Variants in KIF13B observed in about 807,000 individuals in gnomAD.
KIF13B encodes kinesin-like protein KIF13B.
Under a neutral mutation model 222.0 loss-of-function variants are expected in KIF13B, and 127 were observed. The ratio of observed to expected loss-of-function variants is 0.57; its 90% CI spans 0.50 to 0.66. The LOEUF is 0.66. Ranked by LOEUF, KIF13B falls within the 30% of genes least tolerant of loss-of-function variation. The pLI, the probability that KIF13B is intolerant of heterozygous loss-of-function variation, is 0.00. For missense variants in KIF13B, 2,173 were observed against 2,379.0 expected (o/e 0.91, Z 1.80); for synonymous variants, 976 against 919.0 (o/e 1.06, Z -1.12).
chr8:29,097,430 T>G (rs1808583618), intron 36 of KIF13B, among the ~76,000 whole-genome samples: 2 of 152,218 alleles, frequency 1.3e-5, no homozygotes, highest in African/African-American at 2.4e-5. Flanking sequence ...ACTGATGGAA[T>G]AGGCCTCCAC....
intron 38 of KIF13B, among the ~76,000 whole-genome samples, chr8:29,073,658 C>T (rs1453884480): frequency 2.0e-5 from 3 of 152,122 alleles, no homozygotes; most frequent in African/African-American, 4.8e-5. Context: ...ATTTGAAATA[C>T]GGGATTTATT....
At chr8:29,144,953 A>G (rs1010137197) in intron 18 of KIF13B, among the ~76,000 whole-genome samples, 3 of 152,208 alleles carry the variant, frequency 2.0e-5, no homozygotes, top group African/African-American at 7.2e-5. Flanking sequence ...GAGGTTACGG[A>G]GAAAAGGGCT....
chr8:29,251,767 A>G (rs956712889), intron 1 of KIF13B, among the ~76,000 whole-genome samples: 2 of 152,226 alleles, frequency 1.3e-5, no homozygotes, highest in African/African-American at 4.8e-5. Flanking sequence ...AATGGTAAAT[A>G]TATTGTATTT....
chr8:29,161,625 G>C (rs138428903), intron 12 of KIF13B, among the ~76,000 whole-genome samples: 1 of 152,034 alleles, frequency 6.6e-6, no homozygotes, highest in South Asian at 2.1e-4. Context: ...GAACCCGGGA[G>C]GTGGAGGTTG....
chr8:29,124,445 G>A (rs1810018435), intron 26 of KIF13B, among the ~76,000 whole-genome samples: 1 of 152,070 alleles, frequency 6.6e-6, no homozygotes, highest in African/African-American at 2.4e-5. Context: ...CGATAAACAG[G>A]ACTCAATAAT....
chr8:29,193,037 C>G (rs17059769), intron 3 of KIF13B, among the ~76,000 whole-genome samples: 20,021 of 152,034 alleles, frequency 0.13, 1,464 homozygotes, highest in South Asian at 0.15. Flanking sequence ...ACCGAGAGGA[C>G]GACTGGCTCA....
chr8:29,103,134 C>T (rs1222465682), intron 35 of KIF13B, among the ~76,000 whole-genome samples: 12 of 149,862 alleles, frequency 8.0e-5, no homozygotes, highest in East Asian at 2.0e-4. Context: ...CCCAGCTACT[C>T]GGGAGGCTGA....
intron 1 of KIF13B, among the ~76,000 whole-genome samples, chr8:29,253,433 G>A (rs1023136996): frequency 6.6e-6 from 1 of 152,056 alleles, no homozygotes; most frequent in African/African-American, 2.4e-5. Context: ...GCTCATGCCT[G>A]TAATCCTAGC....
At chr8:29,196,974 G>A (rs1813450679) in intron 2 of KIF13B, among the ~76,000 whole-genome samples, 1 of 152,066 alleles carries the variant, frequency 6.6e-6, no homozygotes, top group African/African-American at 2.4e-5. Flanking sequence ...GCACACATAA[G>A]CACTTCTAAC....
intron 4 of KIF13B, chr8:29,190,254 C>G (rs76250319): frequency 0.09 from 13,666 of 152,326 alleles, 870 homozygotes; most frequent in Non-Finnish European, 0.13. Flanking sequence ...AAAGTCTGAA[C>G]AGACAGGACG....
chr8:29,204,306 T>G (rs1369898375), intron 2 of KIF13B, among the ~76,000 whole-genome samples: 1 of 152,186 alleles, frequency 6.6e-6, no homozygotes, highest in Non-Finnish European at 1.5e-5. Context: ...ATAGCATAAT[T>G]CAAAGAATAC....
chr8:29,204,060 T>C (rs139669860), intron 2 of KIF13B, among the ~76,000 whole-genome samples: 6 of 152,266 alleles, frequency 3.9e-5, no homozygotes, highest in African/African-American at 7.2e-5. Flanking sequence ...GGACAGTTGG[T>C]AGATACTGGT....
chr8:29,208,356 T>C (rs1014473915), intron 2 of KIF13B, among the ~76,000 whole-genome samples: 2 of 152,226 alleles, frequency 1.3e-5, no homozygotes, highest in South Asian at 4.1e-4. Flanking sequence ...ATATACTCCA[T>C]ACGGATTAAT....
Position 29,142,260 on chromosome 8 carries a change from T to G in KIF13B, c.2231A>C (p.Lys744Thr). 1 of 1,613,820 alleles carries G rather than the reference T, an allele frequency of 6.2e-7. No individual in the cohort carries two copies. Among genetic ancestry groups the G allele is most frequent in the Non-Finnish European group, 8.5e-7 (1 of 1,179,810 alleles). Residue 744 changes from lysine (K) to threonine (T), a missense_variant, in exon 19 of 40, where the codon AAA (lysine) becomes ACA (threonine). Transcript: ENST00000524189. ...AGACCAAATCTGCTTTCCTTTTCCT[T>G]TTCTTCTCACCTGGATTGCAGGCTC... ...LSEPAIQVRR[K>T]GKGKQIWSLE...
intron 15 of KIF13B, 21 bp from the exon 16 acceptor site, chr8:29,148,788 T>C (rs879847352): frequency 1.3e-6 from 2 of 1,567,472 alleles, no homozygotes; most frequent in Non-Finnish European, 1.7e-6. Flanking sequence ...AAAAGAGTAT[T>C]ATTTTCTGAA....
chr8:29,206,836 G>A (rs570877089), intron 2 of KIF13B, among the ~76,000 whole-genome samples: 11 of 151,976 alleles, frequency 7.2e-5, no homozygotes, highest in Non-Finnish European at 1.2e-4. Flanking sequence ...AGGGAAGGTG[G>A]ATGGGGTTTG....
At chr8:29,120,883 G>A (rs1420277773) in intron 29 of KIF13B, among the ~76,000 whole-genome samples, 10 of 37,402 alleles carry the variant, frequency 2.7e-4, no homozygotes, top group African/African-American at 9.8e-4. Flanking sequence ...TAACTGGTGT[G>A]AGATGATATC....
At chr8:29,078,055 G>A (rs561254860) in intron 37 of KIF13B, among the ~76,000 whole-genome samples, 43 of 145,482 alleles carry the variant, frequency 3.0e-4, no homozygotes, top group African/African-American at 1.0e-3. Context: ...GGCCGCAGCA[G>A]GAGGATCACC....
intron 37 of KIF13B, among the ~76,000 whole-genome samples, chr8:29,091,061 C>T (rs1260061783): frequency 4.6e-5 from 7 of 152,130 alleles, no homozygotes; most frequent in African/African-American, 1.4e-4. Flanking sequence ...TTGTATGAGG[C>T]CAGTTTTCCC....
Sources: allele counts gnomAD v4.1 joint callset (sites outside exome capture counted in the v4.1 genomes callset), GRCh38; gene constraint gnomAD v4.1.1; transcripts MANE v1.5; gene names NCBI Gene and HGNC (gene_info 2026-07-23, HGNC 2026-07-21).